KCNK13: variants seen among roughly 807,000 people sequenced by gnomAD.
KCNK13 encodes potassium two pore domain channel subfamily K member 13, also known as potassium channel subfamily K member 13.
A neutral mutation model predicts 23.4 loss-of-function variants in KCNK13; 12 were observed. The observed-to-expected ratio is 0.51, with a 90% CI of 0.33 to 0.83. The LOEUF (loss-of-function observed/expected upper bound fraction) is 0.83. Ranked by LOEUF, KCNK13 falls within the 40% of genes least tolerant of loss-of-function variation. The pLI is 0.02. For missense variants in KCNK13, 463 were observed against 556.3 expected (o/e 0.83, Z 1.69); for synonymous variants, 231 against 229.5 (o/e 1.01, Z -0.06).
intron 1 of KCNK13, among the ~76,000 whole-genome samples, chr14:90,151,554 A>G (rs1890134336): frequency 6.6e-6 from 1 of 152,194 alleles, no homozygotes; most frequent in Non-Finnish European, 1.5e-5. Context: ...TGTATGGAAT[A>G]GAAATATTTT....
At chr14:90,175,494 A>T (rs939382643) in intron 1 of KCNK13, among the ~76,000 whole-genome samples, 21 of 152,218 alleles carry the variant, frequency 1.4e-4, no homozygotes, top group African/African-American at 4.3e-4. Flanking sequence ...CTTGATTTAC[A>T]AGTTGAACCT....
Position 90,062,371 on chromosome 14 carries a change from C to T in KCNK13, c.166C>T (p.Arg56Cys), listed in dbSNP as rs774711968. The T allele has an allele frequency of 1.3e-6, 2 of 1,554,198 alleles. No homozygotes were observed. The highest frequency in any genetic ancestry group is 2.4e-5 in the East Asian group (1 of 41,392). ...CCAGGCCAAGCAGCGCTGGGAGGAG[C>T]GCCTGGCCAACTTCAGCCGCGGCCA... is the stretch of plus-strand genomic sequence containing the variant. The part of the protein sequence containing the change: ...ERQAKQRWEE[R>C]LANFSRGHNL... The change falls in exon 1 of 2, where the codon CGC becomes TGC. Residue 56 changes from arginine (R) to cysteine (C), a missense_variant. Around this residue, in one of 3 missense-constraint regions of KCNK13, gnomAD observed 153 missense variants for 153.6 expected, o/e 1.00. Transcript: ENST00000282146. This position sits in a 1 kb window ranked among gnomAD's most constrained non-coding sequence, Gnocchi z 4.5.
chr14:90,088,966 C>G (rs945009082), intron 1 of KCNK13, among the ~76,000 whole-genome samples: 1 of 152,214 alleles, frequency 6.6e-6, no homozygotes, highest in African/African-American at 2.4e-5. Context: ...TAAGGCCCCC[C>G]AGCCATGTGG....
At chr14:90,082,578 G>A (rs2140395982) in intron 1 of KCNK13, among the ~76,000 whole-genome samples, 1 of 152,266 alleles carries the variant, frequency 6.6e-6, no homozygotes, top group Non-Finnish European at 1.5e-5. Flanking sequence ...TTTCAAGTGA[G>A]CCAAGTTGTA....
At chr14:90,075,998 T>C (rs1324923468) in intron 1 of KCNK13, among the ~76,000 whole-genome samples, 2 of 152,226 alleles carry the variant, frequency 1.3e-5, no homozygotes, top group Non-Finnish European at 2.9e-5. Context: ...TAATACTTAG[T>C]GGAGTTGGAG....
intron 1 of KCNK13, among the ~76,000 whole-genome samples, chr14:90,110,070 C>A (rs1215672458): frequency 6.6e-6 from 1 of 152,106 alleles, no homozygotes; most frequent in Non-Finnish European, 1.5e-5. Context: ...AAATGCCGAT[C>A]CTTGTGACAG....
At position 90,062,129 on chromosome 14, in the gene KCNK13, T is replaced by G; in HGVS notation, c.-77T>G. 4.7e-5 allele frequency: 45 copies of G among 950,694 alleles called. No homozygotes were observed. The highest frequency in any genetic ancestry group is 3.7e-4 in the Middle Eastern group (1 of 2,726). The allele number at this position is 950,694 out of a possible 1,614,324, so 58.9% of individuals were successfully genotyped here. A position where few individuals can be genotyped will look rare whatever the true frequency, so the allele number is the denominator to read the frequency against. On this transcript the variant is annotated 5_prime_UTR_variant, in exon 1 of 2. Transcript: ENST00000282146. This position sits in a 1 kb window ranked among gnomAD's most constrained non-coding sequence, Gnocchi z 4.5. ...GGAGCTGGCTGAGCGCCGGGGCCCTTATTTCCCGGGGGTGTGGGCGAGACT... is the reference window on the plus strand; with the variant it reads ...GGAGCTGGCTGAGCGCCGGGGCCCTGATTTCCCGGGGGTGTGGGCGAGACT...
intron 1 of KCNK13, among the ~76,000 whole-genome samples, chr14:90,149,803 C>T (rs1202417459): frequency 1.3e-5 from 2 of 152,288 alleles, no homozygotes; most frequent in East Asian, 3.9e-4. Context: ...TAAGAAGCAA[C>T]TTGAGTACAC....
At chr14:90,128,946 G>A (rs1189838953) in intron 1 of KCNK13, among the ~76,000 whole-genome samples, 8 of 152,128 alleles carry the variant, frequency 5.3e-5, no homozygotes, top group East Asian at 3.9e-4. Context: ...CCTATCCTGC[G>A]TCTTCCTCCC....
At chr14:90,113,619 G>A (rs2140413710) in intron 1 of KCNK13, among the ~76,000 whole-genome samples, 1 of 152,250 alleles carries the variant, frequency 6.6e-6, no homozygotes, top group South Asian at 2.1e-4. Context: ...CCATGGTAAT[G>A]TAAGATCTTA....
intron 1 of KCNK13, among the ~76,000 whole-genome samples, chr14:90,118,736 T>G (rs1254360795): frequency 6.6e-6 from 1 of 152,164 alleles, no homozygotes; most frequent in Non-Finnish European, 1.5e-5. Flanking sequence ...GAGTTCCAGT[T>G]TCCCTGCATC....
At chr14:90,068,991 GC>G (rs1266733994) in intron 1 of KCNK13, among the ~76,000 whole-genome samples, 1 of 150,522 alleles carries the variant, frequency 6.6e-6, no homozygotes, top group Non-Finnish European at 1.5e-5. Context: ...GCTCAGCCTC[GC>G]CTCGTATGTG....
chr14:90,074,695 T>C (rs925037115), intron 1 of KCNK13, among the ~76,000 whole-genome samples: 1 of 152,204 alleles, frequency 6.6e-6, no homozygotes, highest in Admixed American at 6.5e-5. Context: ...AGTTGGTTTT[T>C]CTCTTATGTT....
chr14:90,094,074 G>C (rs1388656435), intron 1 of KCNK13, among the ~76,000 whole-genome samples: 1 of 152,108 alleles, frequency 6.6e-6, no homozygotes, highest in Non-Finnish European at 1.5e-5. Context: ...CTGAGGTCGT[G>C]CTGTCTGCAT....
Position 90,184,038 on chromosome 14 carries a change from A to G in KCNK13, c.335-73A>G. The G allele has an allele frequency of 7.3e-7, 1 of 1,374,424 alleles. No homozygotes were observed. Among genetic ancestry groups the G allele is most frequent in the East Asian group, 2.3e-5 (1 of 43,466 alleles). The allele number at this position is 1,374,424 out of a possible 1,614,324, so 85.1% of individuals were successfully genotyped here. ...ACTCTCTTTAGGTCCTTTGCCAGCC[A>G]TCAAAGCCAAGACCTAGACCCCATT... On this transcript the variant is annotated intron_variant, in intron 1 of 1. Transcript: ENST00000282146. This position sits in a 1 kb window ranked among gnomAD's most constrained non-coding sequence, Gnocchi z 5.6.
chr14:90,093,737 G>A (rs1435992082), intron 1 of KCNK13, among the ~76,000 whole-genome samples: 1 of 152,106 alleles, frequency 6.6e-6, no homozygotes, highest in Non-Finnish European at 1.5e-5. Context: ...TCCATAGGGT[G>A]GCATCCCTCC....
At chr14:90,113,963 A>C (rs931441179) in intron 1 of KCNK13, among the ~76,000 whole-genome samples, 3 of 152,152 alleles carry the variant, frequency 2.0e-5, no homozygotes, top group Non-Finnish European at 2.9e-5. Context: ...AAAGAATGAA[A>C]GAAAAAGAAA....
chr14:90,076,688 A>G (rs993352412), intron 1 of KCNK13, among the ~76,000 whole-genome samples: 4 of 152,212 alleles, frequency 2.6e-5, no homozygotes, highest in African/African-American at 9.6e-5. Context: ...GTGTGTAGAC[A>G]ACTAACAGTG....
At chr14:90,088,778 C>T (rs1278368259) in intron 1 of KCNK13, among the ~76,000 whole-genome samples, 1 of 152,118 alleles carries the variant, frequency 6.6e-6, no homozygotes, top group Non-Finnish European at 1.5e-5. Flanking sequence ...ATGGGAGGAA[C>T]CTGATGGGAG....
Sources: gnomAD v4.1 joint callset for allele counts (sites outside exome capture counted in the v4.1 genomes callset) on GRCh38, gnomAD v4.1.1 for gene constraint, gnomAD v4.1.1 regional missense constraint, Gnocchi (gnomAD v3.1) non-coding constraint, MANE v1.5 for transcripts, NCBI Gene and HGNC (gene_info 2026-07-23, HGNC 2026-07-21) for gene names.